Variants in TCF4 observed in about 807,000 individuals in gnomAD.
The protein encoded by TCF4 is SL3-3 enhancer factor 2.
A neutral mutation model predicts 82.1 loss-of-function variants in TCF4; 3 were observed. That is an observed-to-expected ratio of 0.04 (90% CI 0.02 to 0.09). The LOEUF is 0.09. Among genes scored for constraint, TCF4 ranks in the 10% least tolerant of loss-of-function variants. TCF4 has a pLI of 1.00. For synonymous variants in TCF4, 276 were observed against 309.6 expected, an observed-to-expected ratio of 0.89 and a Z score of 1.14; for missense variants, 518 against 852.7, an observed-to-expected ratio of 0.61 and a Z score of 4.89.
At chr18:55,309,107 T>C (rs1488303320) in intron 8 of TCF4, among the ~76,000 whole-genome samples, 1 of 151,878 alleles carries the variant, frequency 6.6e-6, no homozygotes, top group African/African-American at 2.4e-5. Flanking sequence ...ATTATTATTA[T>C]TATTATCATT....
At chr18:55,312,499 T>C (rs1277131841) in intron 8 of TCF4, among the ~76,000 whole-genome samples, 6 of 152,178 alleles carry the variant, frequency 3.9e-5, no homozygotes, top group African/African-American at 9.6e-5. Flanking sequence ...CAATTCCGTA[T>C]GGTTTTGCAT....
chr18:55,232,699 T>C (rs774925799), intron 16 of TCF4, 28 bp from the exon 17 acceptor site: 4 of 1,613,956 alleles, frequency 2.5e-6, no homozygotes, highest in Admixed American at 3.3e-5. Flanking sequence ...TCAGGTGACA[T>C]GTACACCACA....
intron 9 of TCF4, among the ~76,000 whole-genome samples, chr18:55,278,388 C>T (rs1334597929): frequency 6.6e-6 from 1 of 152,164 alleles, no homozygotes; most frequent in Non-Finnish European, 1.5e-5. Flanking sequence ...GTAAATTCCA[C>T]ATCTAAATTC....
chr18:55,408,522 T>G (rs1375743711), intron 5 of TCF4, among the ~76,000 whole-genome samples: 4 of 152,214 alleles, frequency 2.6e-5, no homozygotes, highest in Non-Finnish European at 5.9e-5. Flanking sequence ...GGTTATTATT[T>G]ACAGTCCTTC....
chr18:55,510,669 T>C, intron 3 of TCF4: 3 of 1,485,564 alleles, frequency 2.0e-6, no homozygotes, highest in Non-Finnish European at 2.7e-6. Flanking sequence ...TCGTAAACTT[T>C]TAAAGTTTGT....
intron 6 of TCF4, among the ~76,000 whole-genome samples, chr18:55,354,273 T>A (rs1345306178): frequency 6.6e-6 from 1 of 152,218 alleles, no homozygotes; most frequent in African/African-American, 2.4e-5. Context: ...CATTCCTAAC[T>A]TGGCCATTCA....
At chr18:55,456,689 CA>C (rs754624732) in intron 5 of TCF4, among the ~76,000 whole-genome samples, 3 of 151,896 alleles carry the variant, frequency 2.0e-5, no homozygotes, top group Non-Finnish European at 4.4e-5. Flanking sequence ...TAGTGCTTGA[CA>C]AAGGAAAAAA....
intron 6 of TCF4, among the ~76,000 whole-genome samples, chr18:55,384,904 T>A (rs906536037): frequency 1.3e-4 from 20 of 152,148 alleles, no homozygotes; most frequent in Non-Finnish European, 2.1e-4. Flanking sequence ...GTTCCCAAAA[T>A]CTTCAGCTCA....
intron 2 of TCF4, among the ~76,000 whole-genome samples, chr18:55,605,950 T>C (rs2097701819): frequency 1.3e-5 from 2 of 152,256 alleles, no homozygotes; most frequent in South Asian, 4.1e-4. Flanking sequence ...TGTGAACTTA[T>C]TAGAAATGCA....
intron 2 of TCF4, among the ~76,000 whole-genome samples, chr18:55,614,701 T>A (rs531050547): frequency 6.6e-6 from 1 of 152,344 alleles, no homozygotes. Flanking sequence ...TCTAGCAGTC[T>A]GTGACTTATC....
chr18:55,300,631 G>A (rs1044821675), intron 8 of TCF4, among the ~76,000 whole-genome samples: 4 of 152,112 alleles, frequency 2.6e-5, no homozygotes, highest in African/African-American at 9.7e-5. Context: ...AACATGCGAA[G>A]GGCCTCAGGC....
chr18:55,584,376 C>T (rs1275764066), intron 3 of TCF4, among the ~76,000 whole-genome samples: 1 of 152,110 alleles, frequency 6.6e-6, no homozygotes, highest in Non-Finnish European at 1.5e-5. Flanking sequence ...TCCTAAAATA[C>T]TGCAGCTGTT....
intron 3 of TCF4, among the ~76,000 whole-genome samples, chr18:55,536,188 T>G (rs2097113103): frequency 6.6e-6 from 1 of 152,170 alleles, no homozygotes; most frequent in Non-Finnish European, 1.5e-5. Flanking sequence ...TTTTTTTAAG[T>G]TTTTCACATC....
chr18:55,614,053 C>T (rs1034374158), intron 2 of TCF4, among the ~76,000 whole-genome samples: 14 of 152,112 alleles, frequency 9.2e-5, no homozygotes, highest in Admixed American at 2.6e-4. Context: ...ACCACTGCAT[C>T]CAGCTAATTT....
exon 2 of TCF4, chr18:55,631,346 T>C (rs1427931759): frequency 6.5e-7 from 1 of 1,548,026 alleles, no homozygotes; most frequent in East Asian, 2.5e-5. Context: ...ACCATGCCCG[T>C]CCAAGAGATA....
At chr18:55,593,988 G>T (rs763056321) in intron 2 of TCF4, among the ~76,000 whole-genome samples, 28 of 152,182 alleles carry the variant, frequency 1.8e-4, no homozygotes, top group Non-Finnish European at 1.3e-4. Flanking sequence ...TAACTAACCA[G>T]CTAGGACCTC....
intron 8 of TCF4, among the ~76,000 whole-genome samples, chr18:55,282,011 CG>C (rs1479755129): frequency 6.6e-6 from 1 of 151,870 alleles, no homozygotes; most frequent in Non-Finnish European, 1.5e-5. Context: ...TAATAGGCAA[CG>C]GACCACTGTT....
At chr18:55,442,100 C>G (rs1419736679) in intron 5 of TCF4, among the ~76,000 whole-genome samples, 1 of 152,128 alleles carries the variant, frequency 6.6e-6, no homozygotes, top group African/African-American at 2.4e-5. Context: ...TAACAATGAA[C>G]AATGTGCAAA....
rs1021668457 is a variant in TCF4, at chr18:55,226,014, CCA to C, written c.*2019_*2020del. 19 of 144,420 alleles carry C rather than the reference CCA, an allele frequency of 1.3e-4. No homozygotes were observed. Among genetic ancestry groups the C allele is most frequent in the African/African-American group, 2.5e-4 (10 of 40,622 alleles). The allele number at this position is 144,420 out of a possible 1,614,324, so 8.9% of individuals were successfully genotyped here. A position where few individuals can be genotyped will look rare whatever the true frequency, so the allele number is the denominator to read the frequency against. ...CATTTAAATGAGACTTCTTTTTAAA[CCA>C]CAGTTTTTAAAAAAAAACAAAAACT... On this transcript the variant is annotated 3_prime_UTR_variant, in exon 20 of 20. Coordinates refer to ENST00000354452, the MANE Select transcript of TCF4 (RefSeq NM_001083962.2).
Sources: allele counts gnomAD v4.1 joint callset (sites outside exome capture counted in the v4.1 genomes callset), GRCh38; gene constraint gnomAD v4.1.1; transcripts MANE v1.5; gene names NCBI Gene and HGNC (gene_info 2026-07-23, HGNC 2026-07-21).